CMIP: variants seen among roughly 807,000 people sequenced by gnomAD.
CMIP encodes c-Maf inducing protein.
In CMIP, 13 loss-of-function variants were observed where a neutral mutation model predicts 97.3. The ratio of observed to expected loss-of-function variants is 0.13; its 90% confidence interval spans 0.09 to 0.21. The LOEUF (loss-of-function observed/expected upper bound fraction) is 0.21. Ranked by LOEUF, CMIP falls within the 10% of genes least tolerant of loss-of-function variation. The pLI, the probability that CMIP is intolerant of heterozygous loss-of-function variation, is 1.00. For missense variants in CMIP, 847 were observed against 1,024.9 expected (o/e 0.83, Z 2.37); for synonymous variants, 538 against 436.3 (o/e 1.23, Z -2.91).
chr16:81,601,746 C>A (rs912456565), intron 1 of CMIP, among the ~76,000 whole-genome samples: 1 of 152,120 alleles, frequency 6.6e-6, no homozygotes, highest in Non-Finnish European at 1.5e-5. Context: ...CAGCGTCCCC[C>A]GGGGCCAGAA....
intron 1 of CMIP, among the ~76,000 whole-genome samples, chr16:81,505,357 C>T (rs1224150403): frequency 6.6e-6 from 1 of 152,180 alleles, no homozygotes; most frequent in African/African-American, 2.4e-5. Context: ...TTCGCTTCTG[C>T]CTGTTCTTGC....
At chr16:81,450,144 G>T (rs991514005) in intron 1 of CMIP, among the ~76,000 whole-genome samples, 1 of 152,230 alleles carries the variant, frequency 6.6e-6, no homozygotes, top group Non-Finnish European at 1.5e-5. Context: ...CTGGTAGAAG[G>T]CAAAGCTGTC....
chr16:81,557,219 C>T (rs374434226), intron 1 of CMIP, among the ~76,000 whole-genome samples: 1 of 152,202 alleles, frequency 6.6e-6, no homozygotes, highest in Non-Finnish European at 1.5e-5. Flanking sequence ...GAAGCCACCT[C>T]CCCCACGAGA....
At chr16:81,511,809 A>G (rs2089816022) in intron 1 of CMIP, among the ~76,000 whole-genome samples, 1 of 152,078 alleles carries the variant, frequency 6.6e-6, no homozygotes, top group Non-Finnish European at 1.5e-5. Context: ...TGATCTGCCC[A>G]CCTCTACCTC....
chr16:81,477,769 C>T (rs1443034527), intron 1 of CMIP, among the ~76,000 whole-genome samples: 1 of 152,226 alleles, frequency 6.6e-6, no homozygotes, highest in Admixed American at 6.5e-5. Context: ...TGTGGCTGCT[C>T]CTCCGTTCTT....
chr16:81,465,400 G>C (rs527845892), intron 1 of CMIP, among the ~76,000 whole-genome samples: 1 of 152,176 alleles, frequency 6.6e-6, no homozygotes, highest in Non-Finnish European at 1.5e-5. Flanking sequence ...ACCAGGTTGC[G>C]TCCTTGATAG....
At chr16:81,654,963 GGCCTTTCTGT>G (rs1435821603) in intron 4 of CMIP, among the ~76,000 whole-genome samples, 1 of 152,236 alleles carries the variant, frequency 6.6e-6, no homozygotes, top group Non-Finnish European at 1.5e-5. Context: ...CAAGTTGCTA[GGCCTTTCTGT>G]GCCCAGTTGT....
At chr16:81,527,128 A>G (rs944943851) in intron 1 of CMIP, among the ~76,000 whole-genome samples, 5 of 152,210 alleles carry the variant, frequency 3.3e-5, no homozygotes, top group African/African-American at 1.2e-4. Context: ...CTGCTACAGA[A>G]TTTCTCAGCT....
intron 20 of CMIP, 85 bp from the exon 21 acceptor site, chr16:81,709,661 C>G (rs1265978186): frequency 6.7e-7 from 1 of 1,491,448 alleles, no homozygotes; most frequent in Non-Finnish European, 9.3e-7. Context: ...AGACCCCCAG[C>G]CGGCAATGCG....
rs1412752534 is a variant in CMIP, at chr16:81,621,118, T to C, written c.477+192T>C. On this transcript the variant is annotated intron_variant, in intron 3 of 20. Coordinates refer to ENST00000537098, the MANE Select transcript of CMIP (RefSeq NM_198390.3). This position sits in a 1 kb window ranked among gnomAD's most constrained non-coding sequence, Gnocchi z 4.1. ...GCTGTTCAATTCCTGTCCCCTGCAG[T>C]GCTGAAATAGCATTCTCGCCCTGGT... 3 of 586,890 alleles carry C rather than the reference T, an allele frequency of 5.1e-6. No individual in the cohort carries two copies. Among genetic ancestry groups the C allele is most frequent in the Non-Finnish European group, 3.0e-6 (1 of 332,148 alleles). 36.4% of individuals were successfully genotyped at this position (586,890 alleles called of 1,614,324 possible). A position where few individuals can be genotyped will look rare whatever the true frequency, so the allele number is the denominator to read the frequency against.
At chr16:81,687,483 C>T (rs73600466) in intron 10 of CMIP, among the ~76,000 whole-genome samples, 165 of 152,284 alleles carry the variant, frequency 1.1e-3, no homozygotes, top group African/African-American at 3.7e-3. Context: ...CAGAGAGATC[C>T]GGAACCCAGG....
intron 1 of CMIP, among the ~76,000 whole-genome samples, chr16:81,503,855 C>T (rs1031543505): frequency 1.3e-5 from 2 of 152,264 alleles, no homozygotes; most frequent in African/African-American, 2.4e-5. Context: ...CAGTGACAGA[C>T]GTCATCACCT....
intron 1 of CMIP, among the ~76,000 whole-genome samples, chr16:81,591,371 C>T (rs1030428756): frequency 3.9e-5 from 6 of 152,214 alleles, no homozygotes; most frequent in Non-Finnish European, 8.8e-5. Context: ...ACAACACAAA[C>T]AGCTGGAGAC....
chr16:81,669,551 CA>C (rs2092658549), intron 7 of CMIP, among the ~76,000 whole-genome samples: 1 of 146,552 alleles, frequency 6.8e-6, no homozygotes. Context: ...CTTCCACACC[CA>C]CTTCATACTT....
At chr16:81,693,218 G>A in intron 12 of CMIP, 34 bp downstream of exon 12, 2 of 1,596,988 alleles carry the variant, frequency 1.3e-6, no homozygotes, top group East Asian at 2.2e-5. Flanking sequence ...ATTCCATTCT[G>A]GCACGCACGG....
chr16:81,669,355 T>G (rs1245357064), intron 7 of CMIP, among the ~76,000 whole-genome samples: 1 of 45,328 alleles, frequency 2.2e-5, no homozygotes, highest in Non-Finnish European at 4.9e-5. Flanking sequence ...CCCTCTCACC[T>G]CCTTCCACAC....
Position 81,444,829 on chromosome 16 carries a change from C to T in CMIP, c.-413C>T, listed in dbSNP as rs1344434020. Among the ~76,000 whole-genome samples, 1 of 145,020 alleles carries T rather than the reference C, an allele frequency of 6.9e-6. No individual in the cohort carries two copies. The highest frequency in any genetic ancestry group is 2.0e-4 in the East Asian group (1 of 4,954). ...GGCCACTCTCGCCCGGACGGCCGCGCGGACACACGCTCTGTACACACGCGC... is the reference window on the plus strand; with the variant it reads ...GGCCACTCTCGCCCGGACGGCCGCGTGGACACACGCTCTGTACACACGCGC... On this transcript the variant is annotated 5_prime_UTR_variant, in exon 1 of 21. Coordinates refer to ENST00000537098, the MANE Select transcript of CMIP (RefSeq NM_198390.3).
chr16:81,550,542 A>G (rs1476575157), intron 1 of CMIP, among the ~76,000 whole-genome samples: 1 of 152,212 alleles, frequency 6.6e-6, no homozygotes, highest in Non-Finnish European at 1.5e-5. Flanking sequence ...TTATCCCGTC[A>G]AAGAATGTCT....
At chr16:81,708,695 C>T (rs1394601668) in intron 20 of CMIP, among the ~76,000 whole-genome samples, 2 of 152,172 alleles carry the variant, frequency 1.3e-5, no homozygotes, top group African/African-American at 4.8e-5. Context: ...CTGGCCAGAC[C>T]TTCCCATTTT....
Sources: gnomAD v4.1 joint callset for allele counts (sites outside exome capture counted in the v4.1 genomes callset) on GRCh38, gnomAD v4.1.1 for gene constraint, Gnocchi (gnomAD v3.1) non-coding constraint, MANE v1.5 for transcripts, NCBI Gene and HGNC (gene_info 2026-07-23, HGNC 2026-07-21) for gene names.